The following CAST variants were observed in gnomAD, a reference collection of about 807,000 sequenced individuals.
CAST encodes MIR583 host.
A neutral mutation model predicts 119.6 loss-of-function variants in CAST; 76 were observed. The ratio of observed to expected loss-of-function variants is 0.64; its 90% CI spans 0.53 to 0.77. The LOEUF (loss-of-function observed/expected upper bound fraction) is 0.77. CAST is among the 30% of genes least tolerant of loss of function. The probability of loss-of-function intolerance (pLI) is 0.00; values close to 1 mark genes in which losing one functional copy is unlikely to be tolerated. For missense variants in CAST, 953 were observed against 946.5 expected (o/e 1.01, Z -0.09); for synonymous variants, 319 against 331.6 (o/e 0.96, Z 0.41).
intron 20 of CAST, among the ~76,000 whole-genome samples, chr5:96,751,921 G>A (rs778719286): frequency 3.9e-5 from 6 of 152,184 alleles, no homozygotes; most frequent in African/African-American, 1.2e-4. Context: ...CCTTTCCAGG[G>A]CCTTAACCCC....
At chr5:96,227,419 G>A in the CAST span, among the ~76,000 whole-genome samples, 2 of 152,190 alleles carry the variant, frequency 1.3e-5, no homozygotes, top group Non-Finnish European at 2.9e-5. Context: ...CAAAGTGTCT[G>A]TAGACAGTGT....
the CAST span, among the ~76,000 whole-genome samples, chr5:96,066,895 GC>G: frequency 6.6e-6 from 1 of 151,916 alleles, no homozygotes; most frequent in East Asian, 1.9e-4. Flanking sequence ...CAAACTCCTG[GC>G]TTCAGTTGAT....
At chr5:96,155,597 G>T in the CAST span, among the ~76,000 whole-genome samples, 1 of 152,238 alleles carries the variant, frequency 6.6e-6, no homozygotes, top group Non-Finnish European at 1.5e-5. Context: ...CATGCCTGGG[G>T]CTCACACAGC....
the CAST span, among the ~76,000 whole-genome samples, chr5:96,087,852 G>A: frequency 1.3e-5 from 2 of 152,194 alleles, no homozygotes; most frequent in African/African-American, 4.8e-5. Context: ...TGACCCAGAT[G>A]CTGCTTCAGA....
the CAST span, among the ~76,000 whole-genome samples, chr5:96,156,969 A>C: frequency 6.6e-6 from 1 of 152,234 alleles, no homozygotes; most frequent in African/African-American, 2.4e-5. Context: ...CTATTAAAAT[A>C]ATATATGTTA....
chr5:96,637,766 G>T (rs544721219), intron 1 of CAST, among the ~76,000 whole-genome samples: 1 of 152,144 alleles, frequency 6.6e-6, no homozygotes, highest in Admixed American at 6.5e-5. Flanking sequence ...GCAAAACAAT[G>T]TCTTACCAAA....
chr5:96,292,573 C>T, the CAST span, among the ~76,000 whole-genome samples: 1 of 152,178 alleles, frequency 6.6e-6, no homozygotes, highest in African/African-American at 2.4e-5. Flanking sequence ...AAGACTTATT[C>T]ACCTACTAAA....
At chr5:96,262,524 G>A in the CAST span, among the ~76,000 whole-genome samples, 3 of 151,806 alleles carry the variant, frequency 2.0e-5, no homozygotes, top group South Asian at 4.2e-4. Context: ...TTCTTTTTTT[G>A]TTGTTTTGTT....
chr5:96,000,141 T>G, the CAST span, among the ~76,000 whole-genome samples: 263 of 152,322 alleles, frequency 1.7e-3, 1 homozygote, highest in African/African-American at 6.1e-3. Context: ...TTTTTTTGTA[T>G]AGTCTAGATA....
chr5:96,077,001 G>T, the CAST span, among the ~76,000 whole-genome samples: 1 of 150,760 alleles, frequency 6.6e-6, no homozygotes, highest in Non-Finnish European at 1.5e-5. Context: ...GCTTTTTTAT[G>T]TAACATTCTG....
chr5:96,058,554 C>A, the CAST span, among the ~76,000 whole-genome samples: 1 of 151,984 alleles, frequency 6.6e-6, no homozygotes, highest in South Asian at 2.1e-4. Flanking sequence ...TCTAAGAAAG[C>A]TGATTTTGAA....
intron 1 of CAST, among the ~76,000 whole-genome samples, chr5:96,596,389 C>A (rs1348024063): frequency 6.6e-6 from 1 of 152,170 alleles, no homozygotes; most frequent in African/African-American, 2.4e-5. Flanking sequence ...GAGACAGATT[C>A]TCCCCTCAGA....
Position 96,735,596 on chromosome 5 carries a change from A to G in CAST, c.631-576A>G, listed in dbSNP as rs147372725. Among the ~76,000 whole-genome samples the G allele has an allele frequency of 6.1e-3, 933 of 152,342 alleles. 10 individuals are homozygous for G. Among genetic ancestry groups the G allele is most frequent in the African/African-American group, 0.021 (882 of 41,584 alleles). On this transcript the variant is annotated intron_variant, in intron 9 of 31. Coordinates refer to ENST00000675179, the MANE Select transcript of CAST (RefSeq NM_001750.7). ...ATCAGAATGGTGCCGAAAGGTGGCA[A>G]TGGGGAGGGAGAGATGCTCCAAGGG...
chr5:96,072,660 C>A, the CAST span, among the ~76,000 whole-genome samples: 411 of 152,242 alleles, frequency 2.7e-3, 1 homozygote, highest in Non-Finnish European at 3.7e-3. Flanking sequence ...TGGTGTGTTA[C>A]GCATTTGCTG....
At chr5:96,545,069 T>C (rs1416291703) in intron 1 of CAST, 1 of 152,220 alleles carries the variant, frequency 6.6e-6, no homozygotes, top group Non-Finnish European at 1.5e-5. Flanking sequence ...ACCTTGGTAA[T>C]TGTCTCCAGG....
At chr5:96,182,122 G>A in the CAST span, among the ~76,000 whole-genome samples, 1 of 152,148 alleles carries the variant, frequency 6.6e-6, no homozygotes, top group Admixed American at 6.5e-5. Flanking sequence ...TATTTATCTT[G>A]AAATACTTTA....
intron 1 of CAST, among the ~76,000 whole-genome samples, chr5:96,552,284 A>T (rs1291033912): frequency 6.6e-6 from 1 of 152,252 alleles, no homozygotes; most frequent in East Asian, 1.9e-4. Flanking sequence ...CCACACAGCT[A>T]CATGGAAACT....
chr5:96,262,594 A>G, the CAST span, among the ~76,000 whole-genome samples: 1 of 152,046 alleles, frequency 6.6e-6, no homozygotes, highest in Non-Finnish European at 1.5e-5. Flanking sequence ...CAGTGGTGCA[A>G]TCTCGGCTCA....
At chr5:96,406,578 T>C in the CAST span, among the ~76,000 whole-genome samples, 1 of 152,180 alleles carries the variant, frequency 6.6e-6, no homozygotes, top group African/African-American at 2.4e-5. Context: ...CCCAGGAATA[T>C]ACCCCATCTC....
Sources: allele counts gnomAD v4.1 joint callset (sites outside exome capture counted in the v4.1 genomes callset), GRCh38; gene constraint gnomAD v4.1.1; transcripts MANE v1.5; gene names NCBI Gene and HGNC (gene_info 2026-07-23, HGNC 2026-07-21).